Variants in PTK2B observed in about 807,000 individuals in gnomAD.
PTK2B encodes the protein protein-tyrosine kinase 2-beta.
PTK2B carries 71 observed loss-of-function variants against 142.9 expected under a neutral mutation model. The observed-to-expected ratio is 0.50, with a 90% CI of 0.41 to 0.61. PTK2B has a LOEUF of 0.61. Ranked by LOEUF, PTK2B falls within the 20% of genes least tolerant of loss-of-function variation. The probability of loss-of-function intolerance (pLI) is 0.00; values close to 1 mark genes in which losing one functional copy is unlikely to be tolerated. For synonymous variants in PTK2B, 519 were observed against 503.4 expected (o/e 1.03, Z -0.42); for missense variants, 1,105 against 1,320.4 (o/e 0.84, Z 2.53).
chr8:27,444,407 A>G (rs748101556), intron 23 of PTK2B, 136 bp downstream of exon 23: 29 of 917,314 alleles, frequency 3.2e-5, no homozygotes, highest in Admixed American at 1.3e-4. Context: ...CTTCTTTGGC[A>G]CCCAGAACAG....
rs933590217 is a variant in PTK2B, at chr8:27,419,178, A to G, written c.205-717A>G. On this transcript the variant is annotated intron_variant, in intron 2 of 30. Coordinates refer to ENST00000346049, the MANE Select transcript of PTK2B (RefSeq NM_173176.3). Reference sequence around the variant, plus strand: ...CATCAGGCTGGGAGACAGGCAGTCTATTAACCTCCGGTTAACAAGAAAGCA... The same window carrying G: ...CATCAGGCTGGGAGACAGGCAGTCTGTTAACCTCCGGTTAACAAGAAAGCA... Among the ~76,000 whole-genome samples, 68 of 152,240 alleles carry G rather than the reference A, an allele frequency of 4.5e-4. 1 individual carries two copies. The highest frequency in any genetic ancestry group is 1.4e-3 in the African/African-American group (60 of 41,464).
intron 2 of PTK2B, among the ~76,000 whole-genome samples, chr8:27,417,932 A>G (rs905345319): frequency 6.6e-6 from 1 of 152,110 alleles, no homozygotes; most frequent in Non-Finnish European, 1.5e-5. Context: ...ATGACAGTGG[A>G]CAGAGCAGGG....
chr8:27,319,037 T>C (rs1369472978), intron 3 of PTK2B, among the ~76,000 whole-genome samples: 5 of 152,216 alleles, frequency 3.3e-5, no homozygotes, highest in African/African-American at 1.2e-4. Flanking sequence ...AATTTTTCAA[T>C]GGTTTAACTA....
chr8:27,453,947 A>G, intron 28 of PTK2B: 1 of 601,672 alleles, frequency 1.7e-6, no homozygotes, highest in Non-Finnish European at 2.9e-6. Flanking sequence ...GGCTACCACT[A>G]GTATTCCGTT....
intron 3 of PTK2B, among the ~76,000 whole-genome samples, chr8:27,314,974 C>A (rs1441482567): frequency 6.6e-6 from 1 of 152,194 alleles, no homozygotes; most frequent in Non-Finnish European, 1.5e-5. Context: ...CTCTTCTTAA[C>A]CTTTTTGTCA....
intron 3 of PTK2B, among the ~76,000 whole-genome samples, chr8:27,318,216 T>C (rs1276867586): frequency 6.6e-6 from 1 of 152,202 alleles, no homozygotes; most frequent in African/African-American, 2.4e-5. Flanking sequence ...TTCTTCTTGT[T>C]CCTAACAATG....
chr8:27,443,121 C>T (rs999884265), intron 22 of PTK2B, 138 bp downstream of exon 22: 7 of 618,826 alleles, frequency 1.1e-5, no homozygotes, highest in Non-Finnish European at 2.0e-5. Flanking sequence ...TCCACCATCA[C>T]TGTCAGCGTG....
At chr8:27,314,865 C>T (rs923855724) in intron 3 of PTK2B, among the ~76,000 whole-genome samples, 1 of 152,198 alleles carries the variant, frequency 6.6e-6, no homozygotes, top group African/African-American at 2.4e-5. Context: ...CGCTTGAATC[C>T]GGGAGGTGGC....
At chr8:27,397,913 G>T (rs1302550603) in intron 2 of PTK2B, 125 bp downstream of exon 2, 54 of 1,205,054 alleles carry the variant, frequency 4.5e-5, no homozygotes, top group Non-Finnish European at 6.2e-5. Context: ...AGGTGAGGTG[G>T]CATCAGAGAG....
chr8:27,386,235 A>G (rs1036624217), intron 1 of PTK2B, among the ~76,000 whole-genome samples: 14 of 152,068 alleles, frequency 9.2e-5, no homozygotes, highest in Non-Finnish European at 2.1e-4. Flanking sequence ...GATTCTCATT[A>G]TTTCACTACT....
chr8:27,319,428 G>A (rs1376152153), intron 3 of PTK2B, among the ~76,000 whole-genome samples: 1 of 151,458 alleles, frequency 6.6e-6, no homozygotes, highest in Non-Finnish European at 1.5e-5. Context: ...GGATCACGAG[G>A]TCAGGAGATC....
At chr8:27,331,196 C>T (rs1803727668) in intron 1 of PTK2B, among the ~76,000 whole-genome samples, 1 of 152,224 alleles carries the variant, frequency 6.6e-6, no homozygotes, top group Non-Finnish European at 1.5e-5. Context: ...TGGACCAATT[C>T]TCCCAATAAT....
chr8:27,383,314 G>A (rs1161843585), intron 1 of PTK2B, among the ~76,000 whole-genome samples: 1 of 151,940 alleles, frequency 6.6e-6, no homozygotes, highest in Non-Finnish European at 1.5e-5. Flanking sequence ...TGGTGCAATC[G>A]TGGCTCACTG....
intron 1 of PTK2B, among the ~76,000 whole-genome samples, chr8:27,367,110 CA>C (rs1806061379): frequency 6.6e-6 from 1 of 152,168 alleles, no homozygotes; most frequent in African/African-American, 2.4e-5. Context: ...GGACAGCAAA[CA>C]TTATGATGTT....
At chr8:27,381,544 CATCTGTTG>C (rs1807022473) in intron 1 of PTK2B, among the ~76,000 whole-genome samples, 1 of 152,202 alleles carries the variant, frequency 6.6e-6, no homozygotes, top group African/African-American at 2.4e-5. Flanking sequence ...AATAGCACTC[CATCTGTTG>C]ATGGGCACTT....
At chr8:27,371,545 T>TTGTATA (rs1554489568) in intron 1 of PTK2B, among the ~76,000 whole-genome samples, 2 of 147,464 alleles carry the variant, frequency 1.4e-5, no homozygotes, top group African/African-American at 5.0e-5. Flanking sequence ...TTTTTATTAT[T>TTGTATA]TATATATATA....
At chr8:27,330,095 C>T (rs1282507497) in intron 1 of PTK2B, among the ~76,000 whole-genome samples, 2 of 152,072 alleles carry the variant, frequency 1.3e-5, no homozygotes, top group South Asian at 2.1e-4. Context: ...AGGGCTGTAG[C>T]GTGGACATAT....
intron 2 of PTK2B, among the ~76,000 whole-genome samples, chr8:27,416,324 G>T (rs1809399921): frequency 1.3e-5 from 2 of 152,156 alleles, no homozygotes; most frequent in Non-Finnish European, 2.9e-5. Flanking sequence ...CATTGGTACA[G>T]TATAGACAAA....
At chr8:27,311,181 A>G (rs755365882), upstream of PTK2B, 1 of 1,604,210 alleles carries the variant, frequency 6.2e-7, no homozygotes, top group Non-Finnish European at 8.5e-7. Context: ...GCGCAGAGCA[A>G]CTCCTCCTTG....
Sources: allele counts gnomAD v4.1 joint callset (sites outside exome capture counted in the v4.1 genomes callset), GRCh38; gene constraint gnomAD v4.1.1; transcripts MANE v1.5; gene names NCBI Gene and HGNC (gene_info 2026-07-23, HGNC 2026-07-21).